ZC3H3: variants seen among roughly 807,000 people sequenced by gnomAD.
ZC3H3 encodes zinc finger CCCH-type containing 3, also known as zinc finger CCCH domain-containing protein 3.
In ZC3H3, 36 loss-of-function variants were observed where a neutral mutation model predicts 77.3. That is an observed-to-expected ratio of 0.47 (90% confidence interval 0.36 to 0.61). The LOEUF is 0.61. Among genes scored for constraint, ZC3H3 ranks in the 20% least tolerant of loss-of-function variants. The pLI is 0.00. For synonymous variants in ZC3H3, 626 were observed against 555.2 expected (o/e 1.13, Z -1.79); for missense variants, 1,331 against 1,312.2 (o/e 1.01, Z -0.22).
At chr8:143,450,337 T>C (rs1019395207) in intron 9 of ZC3H3, among the ~76,000 whole-genome samples, 38 of 152,188 alleles carry the variant, frequency 2.5e-4, no homozygotes, top group African/African-American at 9.2e-4. Flanking sequence ...TGTACCACTG[T>C]GCCCACCTAA....
intron 3 of ZC3H3, among the ~76,000 whole-genome samples, chr8:143,512,237 G>A (rs1821891495): frequency 6.6e-6 from 1 of 152,234 alleles, no homozygotes; most frequent in South Asian, 2.1e-4. Context: ...TGGGCTGAGG[G>A]CATTCCGGCC....
Position 143,541,386 on chromosome 8 carries a change from G to A in ZC3H3, c.36C>T (p.Arg12=), listed in dbSNP as rs1329370421. 5 of 1,611,748 alleles carry A rather than the reference G, an allele frequency of 3.1e-6. No individual in the cohort carries two copies. The highest frequency in any genetic ancestry group is 4.2e-6 in the Non-Finnish European group (5 of 1,179,468). ...EEKEILRRQI[R]LLQGLIDDYK... is the part of the protein sequence containing the mutation. ...CCCGGCCGGACCTACCCTGCAGTAG[G>A]CGGATCTGCCGCCGTAATATCTCCT... Residue 12 remains arginine (R), a synonymous_variant, in exon 1 of 12, where the codon CGC becomes CGT. Transcript: ENST00000262577.
chr8:143,494,887 C>G lies in ZC3H3; in HGVS notation c.1715+12859G>C, dbSNP rs554854016. Among the ~76,000 whole-genome samples the G allele has an allele frequency of 1.3e-5, 2 of 152,274 alleles. No individual in the cohort carries two copies. The highest frequency in any genetic ancestry group is 4.8e-5 in the African/African-American group (2 of 41,548). On this transcript the variant is annotated intron_variant, in intron 4 of 11. Coordinates refer to ENST00000262577, the MANE Select transcript of ZC3H3 (RefSeq NM_015117.3). This position sits in a 1 kb window ranked among gnomAD's most constrained non-coding sequence, Gnocchi z 5.3. ...AGACCACCAGTGGCCTTACGTTAGCCCGAGCAGGTACTCAACATCACTGGA... is the reference window on the plus strand; with the variant it reads ...AGACCACCAGTGGCCTTACGTTAGCGCGAGCAGGTACTCAACATCACTGGA...
intron 5 of ZC3H3, among the ~76,000 whole-genome samples, chr8:143,469,542 T>G (rs58884323): frequency 1.3e-5 from 2 of 152,144 alleles, no homozygotes; most frequent in African/African-American, 4.8e-5. Flanking sequence ...ACCCCAAGCA[T>G]AAGCACCACC....
intron 4 of ZC3H3, among the ~76,000 whole-genome samples, chr8:143,479,550 G>T (rs772212008): frequency 2.0e-5 from 3 of 152,204 alleles, no homozygotes; most frequent in Admixed American, 1.3e-4. Context: ...AAGGTATTAA[G>T]CGTGGATAAT....
intron 9 of ZC3H3, among the ~76,000 whole-genome samples, chr8:143,456,702 C>T (rs536720732): frequency 5.9e-4 from 90 of 152,024 alleles, no homozygotes; most frequent in South Asian, 1.2e-3. Context: ...CCTATCTCTA[C>T]AAAAAAAATT....
chr8:143,475,810 G>T (rs372342654), intron 4 of ZC3H3, among the ~76,000 whole-genome samples: 1 of 152,064 alleles, frequency 6.6e-6, no homozygotes, highest in East Asian at 1.9e-4. Context: ...CATTTTGGCC[G>T]TCATCAGGGA....
At chr8:143,524,357 C>T (rs1822343673) in intron 3 of ZC3H3, among the ~76,000 whole-genome samples, 1 of 152,222 alleles carries the variant, frequency 6.6e-6, no homozygotes, top group African/African-American at 2.4e-5. Context: ...GTTCCCAGGG[C>T]CCTGACATGT....
At chr8:143,438,570 C>T (rs1021809837) in intron 11 of ZC3H3, among the ~76,000 whole-genome samples, 2 of 152,098 alleles carry the variant, frequency 1.3e-5, no homozygotes, top group Non-Finnish European at 2.9e-5. Flanking sequence ...AGAGCAGAGG[C>T]CCCAGGGTGA....
At chr8:143,447,205 G>A (rs574824634) in intron 9 of ZC3H3, among the ~76,000 whole-genome samples, 1 of 152,184 alleles carries the variant, frequency 6.6e-6, no homozygotes, top group Non-Finnish European at 1.5e-5. Context: ...CTCTCCTGGG[G>A]GTGAGGCCCT....
chr8:143,538,338 G>A lies in ZC3H3; in HGVS notation c.1029C>T (p.Gly343=), dbSNP rs375590979. 8 of 1,613,038 alleles carry A rather than the reference G, an allele frequency of 5.0e-6. No individual in the cohort carries two copies. The highest frequency in any genetic ancestry group is 5.9e-6 in the Non-Finnish European group (7 of 1,180,046). ...GCGGCTTCTCCACCTTGTTTGCCAT[G>A]CCAGCAGAGGCCTTGCACACATTCT... The part of the protein sequence containing the change: ...AAENVCKASA[G]MANKVEKPQL... Residue 343 remains glycine, a synonymous_variant, in exon 2 of 12, where the codon GGC becomes GGT. Transcript: ENST00000262577.
At chr8:143,527,312 G>A (rs1055032318) in intron 3 of ZC3H3, among the ~76,000 whole-genome samples, 2 of 152,162 alleles carry the variant, frequency 1.3e-5, no homozygotes, top group African/African-American at 4.8e-5. Context: ...GGGACAAGAG[G>A]ACTACCTCAA....
intron 9 of ZC3H3, among the ~76,000 whole-genome samples, chr8:143,459,648 CTG>C (rs1351254954): frequency 1.3e-5 from 2 of 152,108 alleles, no homozygotes; most frequent in Non-Finnish European, 2.9e-5. Context: ...TTGTGACTGA[CTG>C]TGATTCAATG....
chr8:143,444,865 TG>T (rs1318538832), intron 9 of ZC3H3, among the ~76,000 whole-genome samples: 1 of 152,138 alleles, frequency 6.6e-6, no homozygotes, highest in Non-Finnish European at 1.5e-5. Context: ...AAAACTTGTC[TG>T]GACTCAAAAG....
Position 143,462,113 on chromosome 8 carries a change from C to T in ZC3H3, c.2307+3604G>A, listed in dbSNP as rs751015619. Among the ~76,000 whole-genome samples the T allele has an allele frequency of 1.3e-5, 2 of 152,138 alleles. No homozygotes were observed. Among genetic ancestry groups the T allele is most frequent in the African/African-American group, 2.4e-5 (1 of 41,432 alleles). On this transcript the variant is annotated intron_variant, in intron 9 of 11. Transcript: ENST00000262577. The surrounding 1 kb of genome is among the most constrained non-coding windows in gnomAD (Gnocchi z 4.7). ...CAAATGAAGAACAGCAAACGGCAGCCGACTTGTAGGGAGGCCTCCCTGTGC... is the reference window on the plus strand; with the variant it reads ...CAAATGAAGAACAGCAAACGGCAGCTGACTTGTAGGGAGGCCTCCCTGTGC...
At chr8:143,519,683 G>A (rs1164198036) in intron 3 of ZC3H3, among the ~76,000 whole-genome samples, 1 of 152,164 alleles carries the variant, frequency 6.6e-6, no homozygotes, top group Non-Finnish European at 1.5e-5. Context: ...CAGCAGCACG[G>A]GGCAAGCGGC....
chr8:143,485,805 G>A (rs530606611), intron 4 of ZC3H3, among the ~76,000 whole-genome samples: 17 of 152,280 alleles, frequency 1.1e-4, no homozygotes, highest in African/African-American at 4.1e-4. Flanking sequence ...CACCCAAAGA[G>A]GCCCTTTACA....
In ZC3H3 at chr8:143,440,150, G is replaced by A; in HGVS notation, c.2706C>T (p.Cys902=). The A allele has an allele frequency of 6.2e-7, 1 of 1,611,978 alleles. No homozygotes were observed. Among genetic ancestry groups the A allele is most frequent in the Non-Finnish European group, 8.5e-7 (1 of 1,179,722 alleles). ...AAGGCAGCTTGCAGAGCCTGTTGGA[G>A]CACGCTGCTGCTAAGGCAGCCTCCT... The part of the protein sequence containing the change: ...SLQEAALAAA[C]SNRLCKLPSF... Residue 902 remains cysteine (C), a synonymous_variant, in exon 11 of 12, where the codon TGC becomes TGT. Transcript: ENST00000262577.
intron 9 of ZC3H3, among the ~76,000 whole-genome samples, chr8:143,455,966 G>A (rs528722725): frequency 4.1e-3 from 483 of 117,446 alleles, no homozygotes; most frequent in Middle Eastern, 0.015. Context: ...GCGACAGAGT[G>A]AGACTCTGTC....
Sources: allele counts gnomAD v4.1 joint callset (sites outside exome capture counted in the v4.1 genomes callset), GRCh38; gene constraint gnomAD v4.1.1; non-coding constraint Gnocchi (gnomAD v3.1); transcripts MANE v1.5; gene names NCBI Gene and HGNC (gene_info 2026-07-23, HGNC 2026-07-21).